POLD1: variants seen among roughly 807,000 people sequenced by gnomAD.
POLD1 encodes the protein DNA polymerase delta catalytic subunit.
POLD1 carries 79 observed loss-of-function variants against 129.7 expected under a neutral mutation model. The observed-to-expected ratio is 0.61, with a 90% CI of 0.51 to 0.73. The LOEUF (loss-of-function observed/expected upper bound fraction) is 0.73. POLD1 is among the 30% of genes least tolerant of loss of function. The pLI is 0.00. For synonymous variants in POLD1, 714 were observed against 683.3 expected, an observed-to-expected ratio of 1.04 and a Z score of -0.70; for missense variants, 1,338 against 1,595.8, an observed-to-expected ratio of 0.84 and a Z score of 2.75.
intron 1 of POLD1, among the ~76,000 whole-genome samples, chr19:50,396,985 C>T (rs2038391790): frequency 6.6e-6 from 1 of 150,396 alleles, no homozygotes; most frequent in Non-Finnish European, 1.5e-5. Context: ...ATCCCAGCTA[C>T]TCAGGAGGCT....
chr19:50,416,777 AC>A, intron 24 of POLD1, 54 bp downstream of exon 24: 1 of 1,352,308 alleles, frequency 7.4e-7, no homozygotes, highest in Non-Finnish European at 1.0e-6. Context: ...CTCTGCCGTC[AC>A]CCCAGATCCT....
chr19:50,415,439 G>A lies in POLD1; in HGVS notation c.2566G>A (p.Asp856Asn). The A allele has an allele frequency of 6.2e-7, 1 of 1,612,290 alleles. No homozygotes were observed. Residue 856 changes from aspartate to asparagine, a missense_variant and splice_region_variant, in exon 21 of 27, where the codon GAC becomes AAC. Physicochemically the swap from Asp to Asn is conservative, Grantham distance 23. Around this residue, in one of 3 missense-constraint regions of POLD1, gnomAD observed 720 missense variants for 1,002.6 expected, o/e 0.72. Coordinates refer to ENST00000440232, the MANE Select transcript of POLD1 (RefSeq NM_002691.4). ...ASLRRLLIDR[D>N]PEGAVAHAQD... ...GCTGTGCGGCCCGCTCTCCTACAGA[G>A]ACCCTGAGGGCGCGGTGGCTCACGC...
intron 14 of POLD1, among the ~76,000 whole-genome samples, chr19:50,407,725 ATTTTTTTT>A (rs571759517): frequency 1.0e-5 from 1 of 95,336 alleles, no homozygotes; most frequent in African/African-American, 4.7e-5. Context: ...CGCCTGGCTA[ATTTTTTTT>A]TTTTTTTTTT....
rs754917939 is a variant in POLD1, at chr19:50,401,804, C to A, written c.343C>A (p.Pro115Thr). 6.2e-7 allele frequency: 1 copy of A among 1,612,738 alleles called. No individual in the cohort carries two copies. The stretch of plus-strand genomic sequence containing the variant: ...CCCAGCGCAGCCTGTGCCTGGGGGG[C>A]CCCCACCATCCCGCGGCTCCGTGCC... ...VGPAQPVPGGPPPSRGSVPVL... is the reference protein window; with the variant it reads ...VGPAQPVPGGTPPSRGSVPVL... The change falls in exon 4 of 27, where the codon CCC becomes ACC. Residue 115 changes from proline (P) to threonine (T), a missense_variant. This residue lies in a region of POLD1 where 332 missense variants were observed against 315.7 expected (regional missense o/e 1.05). Transcript: ENST00000440232.
At chr19:50,417,747 C>A (rs938221154) in intron 26 of POLD1, 95 bp from the exon 27 acceptor site, 26 of 518,030 alleles carry the variant, frequency 5.0e-5, no homozygotes, top group Admixed American at 3.0e-4. Flanking sequence ...GGGCAGCAGG[C>A]GGGGACCAAA....
intron 1 of POLD1, among the ~76,000 whole-genome samples, chr19:50,394,251 A>T (rs1298382090): frequency 6.6e-6 from 1 of 152,166 alleles, no homozygotes; most frequent in East Asian, 1.9e-4. Context: ...GGGAGAACTT[A>T]GTCACGTGGC....
At chr19:50,401,392 T>TATATATA (rs1491527037) in intron 3 of POLD1, among the ~76,000 whole-genome samples, 70 of 47,100 alleles carry the variant, frequency 1.5e-3, no homozygotes, top group African/African-American at 5.0e-3. Context: ...TATATATATA[T>TATATATA]TTTTTTTTTT....
chr19:50,407,568 TA>T (rs1267013747), intron 14 of POLD1, among the ~76,000 whole-genome samples, 153 bp downstream of exon 14: 2 of 151,402 alleles, frequency 1.3e-5, no homozygotes, highest in African/African-American at 4.9e-5. Context: ...TTTTTATTTT[TA>T]TTTTTTTGAG....
intron 10 of POLD1, among the ~76,000 whole-genome samples, chr19:50,405,272 C>T (rs2038834920): frequency 6.6e-6 from 1 of 152,192 alleles, no homozygotes; most frequent in Non-Finnish European, 1.5e-5. Flanking sequence ...GTGACCTCAT[C>T]TTCACTTGAC....
rs2122506509 is a variant in POLD1 at position 50,417,168 on chromosome 19, C to T, written c.3121-4C>T. The T allele has an allele frequency of 6.2e-7, 1 of 1,600,452 alleles. No homozygotes were observed. The highest frequency in any genetic ancestry group is 1.1e-5 in the South Asian group (1 of 89,204). On this transcript the variant is annotated splice_polypyrimidine_tract_variant and splice_region_variant and intron_variant, in intron 25 of 26. Coordinates refer to ENST00000440232, the MANE Select transcript of POLD1 (RefSeq NM_002691.4). ...GCGCCCTGCTCAGCCGCTGCCGTCCCCAGGTATCCCATCTGAATGCCCTGG... is the reference window on the plus strand; with the variant it reads ...GCGCCCTGCTCAGCCGCTGCCGTCCTCAGGTATCCCATCTGAATGCCCTGG...
At chr19:50,401,391 A>ATTTTTTT (rs1203165864) in intron 3 of POLD1, among the ~76,000 whole-genome samples, 7 of 65,948 alleles carry the variant, frequency 1.1e-4, no homozygotes, top group Admixed American at 2.4e-4. Context: ...ATATATATAT[A>ATTTTTTT]TTTTTTTTTT....
chr19:50,385,384 C>T (rs1279852287), intron 1 of POLD1, among the ~76,000 whole-genome samples: 3 of 152,040 alleles, frequency 2.0e-5, no homozygotes, highest in Non-Finnish European at 4.4e-5. Context: ...AAGGGAGAAG[C>T]AGGTTGGGGT....
intron 2 of POLD1, 43 bp downstream of exon 2, chr19:50,399,096 C>G: frequency 6.5e-7 from 1 of 1,550,344 alleles, no homozygotes; most frequent in Non-Finnish European, 8.7e-7. Flanking sequence ...AACCCATTGC[C>G]CCTGGTCTTG....
chr19:50,417,594 G>A (rs1260645951), intron 26 of POLD1, among the ~76,000 whole-genome samples: 1 of 152,086 alleles, frequency 6.6e-6, no homozygotes. Context: ...TAGGCGGGGT[G>A]GGTTCCCACG....
intron 10 of POLD1, among the ~76,000 whole-genome samples, chr19:50,404,484 G>C (rs1459281861): frequency 2.0e-5 from 3 of 148,670 alleles, no homozygotes; most frequent in African/African-American, 7.7e-5. Flanking sequence ...GGATGGTCTT[G>C]ATCTCCTGAC....
chr19:50,396,558 T>C (rs138406710), intron 1 of POLD1, among the ~76,000 whole-genome samples: 2,739 of 151,952 alleles, frequency 0.018, 76 homozygotes, highest in African/African-American at 0.06. Flanking sequence ...GCTCACTGCA[T>C]GCTCTGCCTC....
At chr19:50,389,645 G>A (rs1186883512) in intron 1 of POLD1, among the ~76,000 whole-genome samples, 2 of 150,772 alleles carry the variant, frequency 1.3e-5, no homozygotes, top group Non-Finnish European at 1.5e-5. Flanking sequence ...GGAGTGCAGT[G>A]GCACTATCTC....
intron 1 of POLD1, among the ~76,000 whole-genome samples, chr19:50,392,608 G>A (rs1425365404): frequency 2.0e-5 from 3 of 152,120 alleles, no homozygotes; most frequent in Admixed American, 2.0e-4. Flanking sequence ...CTCCCAAGTA[G>A]CTGGTATTAC....
At chr19:50,387,623 C>G (rs1047327822) in intron 1 of POLD1, 1 of 152,754 alleles carries the variant, frequency 6.5e-6, no homozygotes, top group African/African-American at 2.4e-5. Flanking sequence ...GCCAACTGAC[C>G]AAGGGCAGCC....
Sources: gnomAD v4.1 joint callset for allele counts (sites outside exome capture counted in the v4.1 genomes callset) on GRCh38, gnomAD v4.1.1 for gene constraint, gnomAD v4.1.1 regional missense constraint, MANE v1.5 for transcripts, NCBI Gene and HGNC (gene_info 2026-07-23, HGNC 2026-07-21) for gene names.